Variants in NKAIN2 observed in about 807,000 individuals in gnomAD.
NKAIN2 encodes the protein sodium/potassium transporting ATPase interacting 2, also known as sodium/potassium-transporting ATPase subunit beta-1-interacting protein 2.
A neutral mutation model predicts 32.6 loss-of-function variants in NKAIN2; 14 were observed. The ratio of observed to expected loss-of-function variants is 0.43; its 90% confidence interval spans 0.28 to 0.67. The LOEUF is 0.67. Among genes scored for constraint, NKAIN2 ranks in the 30% least tolerant of loss-of-function variants. The pLI, the probability that NKAIN2 is intolerant of heterozygous loss-of-function variation, is 0.17. For missense variants in NKAIN2, 198 were observed against 258.3 expected (o/e 0.77, Z 1.60); for synonymous variants, 80 against 87.2 (o/e 0.92, Z 0.46).
intron 1 of NKAIN2, among the ~76,000 whole-genome samples, chr6:123,940,370 G>A (rs1420312259): frequency 6.7e-6 from 1 of 148,242 alleles, no homozygotes; most frequent in Non-Finnish European, 1.5e-5. Flanking sequence ...GTGTGTATAT[G>A]TATATATATA....
intron 3 of NKAIN2, among the ~76,000 whole-genome samples, chr6:124,526,993 C>T (rs1403963628): frequency 1.3e-5 from 2 of 151,992 alleles, no homozygotes; most frequent in Admixed American, 1.3e-4. Context: ...TACTTTGTGT[C>T]TTAAGTACCA....
chr6:123,885,600 T>C (rs1456804253), intron 1 of NKAIN2, among the ~76,000 whole-genome samples: 1 of 152,058 alleles, frequency 6.6e-6, no homozygotes, highest in Non-Finnish European at 1.5e-5. Context: ...TTAAGAGCAG[T>C]TAGGAATTAC....
At chr6:123,983,859 G>C (rs1254199257) in intron 1 of NKAIN2, among the ~76,000 whole-genome samples, 1 of 151,924 alleles carries the variant, frequency 6.6e-6, no homozygotes, top group Non-Finnish European at 1.5e-5. Flanking sequence ...TAAATTTGCT[G>C]CTAGTAAGAA....
intron 4 of NKAIN2, among the ~76,000 whole-genome samples, chr6:124,785,407 C>A (rs1269910527): frequency 6.6e-6 from 1 of 152,120 alleles, no homozygotes; most frequent in Non-Finnish European, 1.5e-5. Context: ...GTTACATTGG[C>A]TGTCTTTTCA....
At chr6:123,911,517 A>G (rs1775175835) in intron 1 of NKAIN2, among the ~76,000 whole-genome samples, 1 of 152,004 alleles carries the variant, frequency 6.6e-6, no homozygotes, top group Non-Finnish European at 1.5e-5. Flanking sequence ...TGAGGGATCC[A>G]TCCCTATGAT....
At chr6:124,028,925 G>GTGTA (rs1554243177) in intron 1 of NKAIN2, among the ~76,000 whole-genome samples, 7 of 81,394 alleles carry the variant, frequency 8.6e-5, no homozygotes, top group Non-Finnish European at 1.7e-4. Flanking sequence ...ATATATATGT[G>GTGTA]TATATATATA....
chr6:124,557,292 C>T (rs1401346357), intron 3 of NKAIN2, among the ~76,000 whole-genome samples: 1 of 152,016 alleles, frequency 6.6e-6, no homozygotes, highest in Non-Finnish European at 1.5e-5. Context: ...TGGGAAATTT[C>T]GTATTCAAAG....
intron 3 of NKAIN2, among the ~76,000 whole-genome samples, chr6:124,648,929 AT>A (rs1168173836): frequency 6.6e-6 from 1 of 152,234 alleles, no homozygotes. Context: ...ATTGTAAAAT[AT>A]TTTGAACTAA....
chr6:124,441,850 C>A lies in NKAIN2; in HGVS notation c.273+86503C>A, dbSNP rs201795715. ...TAATATAGTCAACTTTCCACCATAT[C>A]TGTGGCATGTTCCTTCAAGGGATAG... On this transcript the variant is annotated intron_variant, in intron 3 of 6. Coordinates refer to ENST00000368417, the MANE Select transcript of NKAIN2 (RefSeq NM_001040214.3). Among the ~76,000 whole-genome samples, 5 of 152,128 alleles carry A rather than the reference C, an allele frequency of 3.3e-5. No individual in the cohort carries two copies. In the East Asian group the frequency reaches 7.8e-4, roughly 24 times the overall value.
At chr6:124,145,306 C>T (rs1787345962) in intron 1 of NKAIN2, among the ~76,000 whole-genome samples, 1 of 152,068 alleles carries the variant, frequency 6.6e-6, no homozygotes, top group African/African-American at 2.4e-5. Flanking sequence ...TCCAGAAAAC[C>T]ATGCACAAAA....
intron 1 of NKAIN2, among the ~76,000 whole-genome samples, chr6:124,273,800 A>G (rs1794910346): frequency 6.6e-6 from 1 of 152,164 alleles, no homozygotes; most frequent in South Asian, 2.1e-4. Flanking sequence ...TTGACCTTGT[A>G]TCAGTTGAGA....
chr6:123,973,725 C>A (rs1260763498), intron 1 of NKAIN2, among the ~76,000 whole-genome samples: 2 of 151,984 alleles, frequency 1.3e-5, no homozygotes, highest in Non-Finnish European at 2.9e-5. Context: ...TTTGCACCAA[C>A]CTAAATCGTG....
intron 1 of NKAIN2, among the ~76,000 whole-genome samples, chr6:124,119,386 G>T (rs150294821): frequency 7.2e-5 from 11 of 152,278 alleles, no homozygotes; most frequent in African/African-American, 2.6e-4. Flanking sequence ...GTGAACATGA[G>T]CAAGTTTTTC....
intron 3 of NKAIN2, among the ~76,000 whole-genome samples, chr6:124,393,677 C>T (rs1221323316): frequency 6.6e-6 from 1 of 152,120 alleles, no homozygotes; most frequent in African/African-American, 2.4e-5. Flanking sequence ...ACCTCACCCC[C>T]TGACTCCAGA....
intron 4 of NKAIN2, among the ~76,000 whole-genome samples, chr6:124,706,032 G>A (rs1047349260): frequency 3.3e-5 from 5 of 151,944 alleles, no homozygotes; most frequent in Non-Finnish European, 7.4e-5. Context: ...CATGACTATG[G>A]CGACCTTGAT....
chr6:123,948,697 T>C (rs1293217459), intron 1 of NKAIN2, among the ~76,000 whole-genome samples: 2 of 145,970 alleles, frequency 1.4e-5, no homozygotes, highest in Non-Finnish European at 3.0e-5. Context: ...AGATATTTTC[T>C]CCCATTGAGC....
chr6:124,713,640 T>TA (rs531037267), intron 4 of NKAIN2, among the ~76,000 whole-genome samples: 1 of 152,108 alleles, frequency 6.6e-6, no homozygotes, highest in Non-Finnish European at 1.5e-5. Flanking sequence ...CCATTGTGCA[T>TA]AAAAAATCAG....
At position 124,283,148 on chromosome 6, in the gene NKAIN2, T is replaced by C; in HGVS notation, c.192+6T>C. 1.9e-6 allele frequency: 3 copies of C among 1,595,236 alleles called. No individual in the cohort carries two copies. Among genetic ancestry groups the C allele is most frequent in the Non-Finnish European group, 2.6e-6 (3 of 1,163,382 alleles). ...GACCTCGTTACATAACAGGAGTAAG[T>C]ACATTTTCTGCCTTTTAAAAATCTT... On this transcript the variant is annotated splice_donor_region_variant and intron_variant, in intron 2 of 6. Coordinates refer to ENST00000368417, the MANE Select transcript of NKAIN2 (RefSeq NM_001040214.3).
At chr6:124,733,325 C>T (rs146511133) in intron 4 of NKAIN2, among the ~76,000 whole-genome samples, 1 of 151,704 alleles carries the variant, frequency 6.6e-6, no homozygotes, top group African/African-American at 2.4e-5. Flanking sequence ...TTAATAATAT[C>T]ATTTAGGAGG....
Sources: gnomAD v4.1 joint callset for allele counts (sites outside exome capture counted in the v4.1 genomes callset) on GRCh38, gnomAD v4.1.1 for gene constraint, MANE v1.5 for transcripts, NCBI Gene and HGNC (gene_info 2026-07-23, HGNC 2026-07-21) for gene names.